NKAIN2: variants seen among roughly 807,000 people sequenced by gnomAD.
NKAIN2 encodes sodium/potassium-transporting ATPase subunit beta-1-interacting protein 2.
Under a neutral mutation model 32.6 loss-of-function variants are expected in NKAIN2, and 14 were observed. That is an observed-to-expected ratio of 0.43 (90% confidence interval 0.28 to 0.67). NKAIN2 has a LOEUF of 0.67. NKAIN2 is among the 30% of genes least tolerant of loss of function. The probability of loss-of-function intolerance (pLI) is 0.17; values close to 1 mark genes in which losing one functional copy is unlikely to be tolerated. For missense variants in NKAIN2, 198 were observed against 258.3 expected (o/e 0.77, Z 1.60); for synonymous variants, 80 against 87.2 (o/e 0.92, Z 0.46).
chr6:124,331,379 A>AAAAAAAC (rs1797651235), intron 2 of NKAIN2, among the ~76,000 whole-genome samples: 19 of 126,792 alleles, frequency 1.5e-4, no homozygotes, highest in African/African-American at 3.1e-4. Context: ...AAAAAAAAAA[A>AAAAAAAC]CTAGCTGGGC....
At chr6:123,937,986 C>CTTGA (rs1776595893) in intron 1 of NKAIN2, among the ~76,000 whole-genome samples, 1 of 17,946 alleles carries the variant, frequency 5.6e-5, no homozygotes, top group Admixed American at 5.9e-4. Flanking sequence ...GGGCCTTGAA[C>CTTGA]ATACACGAAA....
At chr6:123,857,590 A>C (rs1265806649) in intron 1 of NKAIN2, among the ~76,000 whole-genome samples, 2 of 152,224 alleles carry the variant, frequency 1.3e-5, no homozygotes, top group Non-Finnish European at 2.9e-5. Context: ...ACCTTATGTG[A>C]TGTTAAGACA....
At chr6:124,342,883 C>T (rs1562500703) in intron 2 of NKAIN2, among the ~76,000 whole-genome samples, 1 of 148,970 alleles carries the variant, frequency 6.7e-6, no homozygotes, top group African/African-American at 2.5e-5. Flanking sequence ...CACAATGTGC[C>T]AGTTAGTTAC....
At chr6:124,270,774 T>C (rs191942724) in intron 1 of NKAIN2, among the ~76,000 whole-genome samples, 49 of 152,308 alleles carry the variant, frequency 3.2e-4, no homozygotes, top group South Asian at 4.1e-4. Context: ...TAGCCACTTA[T>C]TGATGTTTTT....
chr6:124,485,245 T>C (rs2114709915), intron 3 of NKAIN2, among the ~76,000 whole-genome samples: 1 of 152,272 alleles, frequency 6.6e-6, no homozygotes. Flanking sequence ...AATCAGAAAC[T>C]TGGACAGAGC....
chr6:124,072,419 A>G (rs902346567), intron 1 of NKAIN2, among the ~76,000 whole-genome samples: 7 of 152,182 alleles, frequency 4.6e-5, no homozygotes, highest in African/African-American at 1.7e-4. Context: ...CACACAACAT[A>G]CCTGTGTAAC....
intron 3 of NKAIN2, among the ~76,000 whole-genome samples, chr6:124,448,793 T>C (rs541778319): frequency 6.6e-6 from 1 of 152,262 alleles, no homozygotes; most frequent in African/African-American, 2.4e-5. Flanking sequence ...TTGTTAAATG[T>C]CAGCTAATTC....
intron 2 of NKAIN2, among the ~76,000 whole-genome samples, chr6:124,325,690 T>G (rs1797382284): frequency 1.3e-5 from 2 of 152,238 alleles, no homozygotes; most frequent in East Asian, 1.9e-4. Flanking sequence ...AAGGGAAAAC[T>G]AAGCTATATT....
At chr6:124,410,704 T>A (rs531764627) in intron 3 of NKAIN2, among the ~76,000 whole-genome samples, 1 of 152,328 alleles carries the variant, frequency 6.6e-6, no homozygotes, top group African/African-American at 2.4e-5. Flanking sequence ...TGTAGATGTC[T>A]ATTAGGTCCG....
At chr6:124,259,611 T>C (rs1794127754) in intron 1 of NKAIN2, among the ~76,000 whole-genome samples, 1 of 152,184 alleles carries the variant, frequency 6.6e-6, no homozygotes, top group Middle Eastern at 3.2e-3. Flanking sequence ...CTTGCTGTCA[T>C]TGTTATTATT....
intron 3 of NKAIN2, among the ~76,000 whole-genome samples, chr6:124,408,356 C>T (rs1436392495): frequency 6.6e-6 from 1 of 152,152 alleles, no homozygotes; most frequent in Non-Finnish European, 1.5e-5. Context: ...TTTAATCCAT[C>T]TTGAATTAAT....
intron 1 of NKAIN2, among the ~76,000 whole-genome samples, chr6:124,168,516 AAATATT>A (rs1382700587): frequency 3.9e-5 from 6 of 152,040 alleles, no homozygotes; most frequent in Non-Finnish European, 8.8e-5. Context: ...GAAAAATGCT[AAATATT>A]AATATAACAA....
chr6:124,652,783 C>G (rs746639472), intron 3 of NKAIN2, among the ~76,000 whole-genome samples: 7 of 152,132 alleles, frequency 4.6e-5, no homozygotes, highest in Non-Finnish European at 1.0e-4. Context: ...AACCCACTTG[C>G]ATGATAATGA....
chr6:124,077,162 G>C (rs563774632), intron 1 of NKAIN2, among the ~76,000 whole-genome samples: 2 of 152,136 alleles, frequency 1.3e-5, no homozygotes, highest in Admixed American at 6.6e-5. Context: ...ACTGTTTTGT[G>C]CTGTAGCACA....
chr6:124,724,187 T>G (rs568777979), intron 4 of NKAIN2, among the ~76,000 whole-genome samples: 1 of 152,160 alleles, frequency 6.6e-6, no homozygotes, highest in Admixed American at 6.5e-5. Flanking sequence ...CTAGAGAGGT[T>G]TAAATACTAA....
At chr6:124,013,094 A>G (rs1438316445) in intron 1 of NKAIN2, among the ~76,000 whole-genome samples, 1 of 152,182 alleles carries the variant, frequency 6.6e-6, no homozygotes, top group Non-Finnish European at 1.5e-5. Context: ...GATGATGAAC[A>G]TCTTTTATGT....
At chr6:124,753,060 G>A (rs148609769) in intron 4 of NKAIN2, among the ~76,000 whole-genome samples, 135 of 152,114 alleles carry the variant, frequency 8.9e-4, no homozygotes, top group African/African-American at 2.8e-3. Flanking sequence ...GGTTCTTTAC[G>A]GTAAGTCACA....
At chr6:123,864,137 T>C (rs1428747964) in intron 1 of NKAIN2, among the ~76,000 whole-genome samples, 9 of 152,210 alleles carry the variant, frequency 5.9e-5, no homozygotes. Flanking sequence ...ATGAGAAAGC[T>C]ATAAAAAAAC....
intron 1 of NKAIN2, among the ~76,000 whole-genome samples, chr6:124,166,717 G>A (rs1017381055): frequency 2.0e-5 from 3 of 151,826 alleles, no homozygotes; most frequent in African/African-American, 7.3e-5. Context: ...AAGGGATCCA[G>A]TTTCAGCTTT....
Sources: allele counts gnomAD v4.1 joint callset (sites outside exome capture counted in the v4.1 genomes callset), GRCh38; gene constraint gnomAD v4.1.1; transcripts MANE v1.5; gene names NCBI Gene and HGNC (gene_info 2026-07-23, HGNC 2026-07-21).